The following ATP8B4 variants were observed in gnomAD, a reference collection of about 807,000 sequenced individuals.
ATP8B4 encodes the protein probable phospholipid-transporting ATPase IM.
A neutral mutation model predicts 145.6 loss-of-function variants in ATP8B4; 133 were observed. The ratio of observed to expected loss-of-function variants is 0.91; its 90% confidence interval spans 0.79 to 1.05. The LOEUF (loss-of-function observed/expected upper bound fraction) is 1.05, where lower values mean the gene tolerates loss of function less well. Ranked by LOEUF, ATP8B4 falls within the 50% of genes least tolerant of loss-of-function variation. The probability of loss-of-function intolerance (pLI) is 0.00; values close to 1 mark genes in which losing one functional copy is unlikely to be tolerated. For missense variants in ATP8B4, 1,458 were observed against 1,425.2 expected (o/e 1.02, Z -0.37); for synonymous variants, 507 against 492.9 (o/e 1.03, Z -0.38).
intron 23 of ATP8B4, among the ~76,000 whole-genome samples, chr15:49,881,762 G>C (rs554842715): frequency 6.6e-6 from 1 of 152,246 alleles, no homozygotes; most frequent in East Asian, 1.9e-4. Flanking sequence ...ACAGGATAGG[G>C]GGCACGTGCC....
intron 1 of ATP8B4, among the ~76,000 whole-genome samples, chr15:50,114,103 C>CTTTCTTTT (rs1555494034): frequency 6.3e-4 from 35 of 55,642 alleles, no homozygotes; most frequent in South Asian, 2.0e-3. Flanking sequence ...CTCCTAGTTT[C>CTTTCTTTT]TTTTTTTTTT....
At chr15:50,072,987 T>A (rs1215523625) in intron 3 of ATP8B4, among the ~76,000 whole-genome samples, 1 of 16,628 alleles carries the variant, frequency 6.0e-5, no homozygotes. Context: ...TCTCTATATA[T>A]ATATATATAT....
intron 3 of ATP8B4, among the ~76,000 whole-genome samples, chr15:50,064,567 C>G (rs1358850337): frequency 6.6e-6 from 1 of 152,156 alleles, no homozygotes; most frequent in African/African-American, 2.4e-5. Flanking sequence ...TAGCCCAAGT[C>G]TTGGATCATT....
At chr15:50,023,779 C>CAAAAAAAAAAAAAAAAAAAAAAAAAAAAA (rs60030651) in intron 6 of ATP8B4, among the ~76,000 whole-genome samples, 4 of 75,052 alleles carry the variant, frequency 5.3e-5, no homozygotes, top group Admixed American at 1.5e-4. Context: ...AGACCAAAGG[C>CAAAAAAAAAAAAAAAAAAAAAAAAAAAAA]AAAAAAAAAA....
At chr15:49,993,101 G>A (rs955491960) in intron 9 of ATP8B4, among the ~76,000 whole-genome samples, 1 of 152,060 alleles carries the variant, frequency 6.6e-6, no homozygotes, top group Non-Finnish European at 1.5e-5. Context: ...AAGAACCTTG[G>A]TAATATATGG....
chr15:49,921,776 G>C (rs550770479), intron 17 of ATP8B4, among the ~76,000 whole-genome samples: 31 of 152,322 alleles, frequency 2.0e-4, no homozygotes, highest in African/African-American at 7.2e-4. Context: ...TTGAGAAAAA[G>C]TATCCAAATT....
intron 13 of ATP8B4, among the ~76,000 whole-genome samples, chr15:49,962,444 A>T (rs548569173): frequency 1.3e-4 from 20 of 152,324 alleles, no homozygotes; most frequent in African/African-American, 4.8e-4. Flanking sequence ...GGCCAGACAC[A>T]TCTGTGTAAT....
chr15:50,044,381 A>G (rs568161966), intron 5 of ATP8B4, among the ~76,000 whole-genome samples: 9 of 152,370 alleles, frequency 5.9e-5, no homozygotes, highest in Admixed American at 2.6e-4. Context: ...CTATAAAAGG[A>G]GAAAGTGAAT....
At chr15:50,131,112 C>T (rs576622562) in intron 1 of ATP8B4, among the ~76,000 whole-genome samples, 13 of 152,108 alleles carry the variant, frequency 8.5e-5, no homozygotes, top group East Asian at 3.9e-4. Context: ...CTCACTATCA[C>T]GAGAACAGCA....
At position 49,923,438 on chromosome 15, in the gene ATP8B4, A is replaced by G. The variant is rs368117512; in HGVS notation, c.1699T>C (p.Phe567Leu). The change falls in exon 17 of 28, where the codon TTT becomes CTT. Residue 567 changes from phenylalanine (F) to leucine (L), a missense_variant. Coordinates refer to ENST00000284509, the MANE Select transcript of ATP8B4 (RefSeq NM_024837.4). ...LYSKGADTIL[F>L]EKLHPSNEVL... is the part of the protein sequence containing the mutation. Reference sequence around the variant, plus strand: ...TCATTGGAAGGATGAAGTTTTTCAAACAGAATAGTATCTGCTCCTTTGGAA... The same window carrying G: ...TCATTGGAAGGATGAAGTTTTTCAAGCAGAATAGTATCTGCTCCTTTGGAA... 14 of 1,613,606 alleles carry G rather than the reference A, an allele frequency of 8.7e-6. No individual in the cohort carries two copies. In the African/African-American group the frequency reaches 1.9e-4, roughly 22 times the overall value.
chr15:50,153,072 G>T (rs1205749002), intron 1 of ATP8B4, among the ~76,000 whole-genome samples: 2 of 152,204 alleles, frequency 1.3e-5, no homozygotes, highest in Non-Finnish European at 2.9e-5. Flanking sequence ...TAAGAAAATG[G>T]TATATTGAGC....
chr15:50,150,095 C>T (rs1325601449), intron 1 of ATP8B4, among the ~76,000 whole-genome samples: 3 of 149,762 alleles, frequency 2.0e-5, no homozygotes, highest in Non-Finnish European at 4.4e-5. Context: ...AGCAAGACTC[C>T]GTCCCAAAAA....
chr15:50,007,198 T>C (rs1023996030), intron 7 of ATP8B4, among the ~76,000 whole-genome samples: 2 of 152,242 alleles, frequency 1.3e-5, no homozygotes, highest in Non-Finnish European at 2.9e-5. Context: ...TAAAATTTAC[T>C]GATAAACTGA....
chr15:50,030,797 A>G (rs1370424795), intron 6 of ATP8B4, among the ~76,000 whole-genome samples: 2 of 152,228 alleles, frequency 1.3e-5, no homozygotes, highest in Non-Finnish European at 2.9e-5. Context: ...CAGAGTTTTG[A>G]AAGTGTTATA....
intron 2 of ATP8B4, among the ~76,000 whole-genome samples, chr15:50,093,062 G>T (rs1348145080): frequency 1.3e-5 from 2 of 151,928 alleles, no homozygotes; most frequent in Non-Finnish European, 2.9e-5. Context: ...TCTTTAAAGT[G>T]CCAGAAGAAA....
intron 14 of ATP8B4, among the ~76,000 whole-genome samples, chr15:49,956,886 G>A (rs917572121): frequency 6.6e-6 from 1 of 152,048 alleles, no homozygotes; most frequent in African/African-American, 2.4e-5. Flanking sequence ...AAATTAGAGG[G>A]TGAACTTCAG....
At chr15:50,123,992 C>G (rs2057291199), upstream of ATP8B4, among the ~76,000 whole-genome samples, 1 of 152,124 alleles carries the variant, frequency 6.6e-6, no homozygotes, top group African/African-American at 2.4e-5. Flanking sequence ...TTCAGAACCT[C>G]CTTACCTCAG....
intron 12 of ATP8B4, among the ~76,000 whole-genome samples, chr15:49,977,772 G>A (rs572482555): frequency 6.6e-6 from 1 of 152,230 alleles, no homozygotes; most frequent in East Asian, 1.9e-4. Flanking sequence ...GTGTTATACT[G>A]ATATCAAATA....
chr15:50,101,895 C>G (rs1189533063), intron 2 of ATP8B4, among the ~76,000 whole-genome samples: 1 of 152,124 alleles, frequency 6.6e-6, no homozygotes, highest in Non-Finnish European at 1.5e-5. Context: ...CAAGTACTCT[C>G]TTAAACCACA....
Sources: gnomAD v4.1 joint callset for allele counts (sites outside exome capture counted in the v4.1 genomes callset) on GRCh38, gnomAD v4.1.1 for gene constraint, MANE v1.5 for transcripts, NCBI Gene and HGNC (gene_info 2026-07-23, HGNC 2026-07-21) for gene names.